Variants in C7orf57 observed in about 807,000 individuals in gnomAD.
C7orf57 encodes chromosome 7 open reading frame 57, also known as uncharacterized protein C7orf57.
A neutral mutation model predicts 39.0 loss-of-function variants in C7orf57; 33 were observed. The ratio of observed to expected loss-of-function variants is 0.85; its 90% confidence interval spans 0.64 to 1.13. The LOEUF is 1.13. C7orf57 is among the 50% of genes most tolerant of loss of function. The pLI is 0.00. For missense variants in C7orf57, 346 were observed against 362.3 expected, an observed-to-expected ratio of 0.95 and a Z score of 0.37; for synonymous variants, 124 against 137.1, an observed-to-expected ratio of 0.90 and a Z score of 0.67.
At chr7:48,058,852 C>T (rs546672638) in intron 8 of C7orf57, among the ~76,000 whole-genome samples, 6 of 152,268 alleles carry the variant, frequency 3.9e-5, no homozygotes, top group East Asian at 1.9e-4. Flanking sequence ...GATCAAGGGA[C>T]GATCATTTGG....
chr7:48,043,712 T>A, intron 4 of C7orf57, 123 bp downstream of exon 4: 1 of 784,804 alleles, frequency 1.3e-6, no homozygotes, highest in Non-Finnish European at 2.1e-6. Flanking sequence ...AACTTCAGGT[T>A]CTCTTTTACA....
At chr7:48,047,506 G>A (rs1161903182) in intron 5 of C7orf57, among the ~76,000 whole-genome samples, 1 of 152,150 alleles carries the variant, frequency 6.6e-6, no homozygotes, top group Non-Finnish European at 1.5e-5. Context: ...TAGCATCTTG[G>A]TTTGAAGGGA....
chr7:48,043,381 C>A, intron 3 of C7orf57, 100 bp from the exon 4 acceptor site: 1 of 835,610 alleles, frequency 1.2e-6, no homozygotes, highest in Non-Finnish European at 1.9e-6. Flanking sequence ...TACAGGGAGA[C>A]CTACAGTTCG....
chr7:48,036,422 CTAGA>C (rs1790365427), intron 2 of C7orf57, 59 bp downstream of exon 2: 5 of 1,446,822 alleles, frequency 3.5e-6, no homozygotes, highest in Middle Eastern at 3.7e-4. Context: ...ACTCTGCTTG[CTAGA>C]CACGCTGTGG....
At chr7:48,039,570 G>A (rs922044757) in intron 2 of C7orf57, among the ~76,000 whole-genome samples, 2 of 152,166 alleles carry the variant, frequency 1.3e-5, no homozygotes, top group African/African-American at 2.4e-5. Context: ...CCACATTATA[G>A]AGGACAGTCT....
chr7:48,055,171 T>C (rs1002085311), intron 8 of C7orf57, among the ~76,000 whole-genome samples: 3 of 152,186 alleles, frequency 2.0e-5, no homozygotes, highest in Non-Finnish European at 4.4e-5. Context: ...CTACCGCGCC[T>C]GGCCTATTAT....
rs1562630365 is a variant in C7orf57, at chr7:48,051,867, CTTT to C, written c.606-832_606-830del. Among the ~76,000 whole-genome samples the C allele has an allele frequency of 6.5e-4, 42 of 64,358 alleles. 1 individual carries two copies. Among genetic ancestry groups the C allele is most frequent in the African/African-American group, 1.4e-3 (18 of 12,578 alleles). The allele number at this position is 64,358 out of a possible 152,430, so 42.2% of individuals were successfully genotyped here. A position where few individuals can be genotyped will look rare whatever the true frequency, so the allele number is the denominator to read the frequency against. ...TCTTTCTTTCTTTCTTTCTTTCTTT[CTTT>C]CTCTTTCTCTTTCTTTCTTTCCTTC... On this transcript the variant is annotated intron_variant, in intron 6 of 8. Transcript: ENST00000348904.
intron 8 of C7orf57, among the ~76,000 whole-genome samples, chr7:48,058,495 C>T (rs763491601): frequency 3.3e-5 from 5 of 152,060 alleles, no homozygotes; most frequent in Non-Finnish European, 4.4e-5. Context: ...GGTGTATAAT[C>T]CTTCACAGTT....
Position 48,036,334 on chromosome 7 carries a change from A to C in C7orf57, c.26A>C (p.Gln9Pro). 6.3e-7 allele frequency: 1 copy of C among 1,591,446 alleles called. No homozygotes were observed. Among genetic ancestry groups the C allele is most frequent in the Non-Finnish European group, 8.6e-7 (1 of 1,169,384 alleles). Residue 9 changes from glutamine to proline, a missense_variant, in exon 2 of 9, where the codon CAG becomes CCG. Gln to Pro is a moderately conservative substitution (Grantham distance 76). Coordinates refer to ENST00000348904, the MANE Select transcript of C7orf57 (RefSeq NM_001100159.3). MRNTSKEL[Q>P]GATHRYAPCD... Reference sequence around the variant, plus strand: ...ATGAGGAACACAAGCAAGGAACTTCAGGGCGCCACGCACCGCTACGCTCCC... The same window carrying C: ...ATGAGGAACACAAGCAAGGAACTTCCGGGCGCCACGCACCGCTACGCTCCC...
chr7:48,051,347 A>ATTTTTTTTTTTTT (rs71006546), intron 6 of C7orf57, among the ~76,000 whole-genome samples: 1,749 of 69,706 alleles, frequency 0.025, 249 homozygotes, highest in African/African-American at 0.092. Context: ...CAGCTGGCTA[A>ATTTTTTTTTTTTT]TTTTTTTTTT....
At chr7:48,050,041 T>C (rs1276336052) in intron 6 of C7orf57, 64 bp downstream of exon 6, 3 of 1,095,418 alleles carry the variant, frequency 2.7e-6, no homozygotes, top group South Asian at 2.6e-5. Context: ...CCGTCTTTCA[T>C]CCGGTGATGA....
chr7:48,035,553 G>T lies in C7orf57; in HGVS notation c.-179G>T. On this transcript the variant is annotated 5_prime_UTR_variant, in exon 1 of 9. Coordinates refer to ENST00000348904, the MANE Select transcript of C7orf57 (RefSeq NM_001100159.3). The surrounding 1 kb of genome is among the most constrained non-coding windows in gnomAD (Gnocchi z 4.0). ...GCGCGCTGGGAGTTTGGGTTTGGTT[G>T]GCTGCAGCCAGCCAGCCGTGTAAAA... The T allele has an allele frequency of 1.1e-5, 8 of 698,528 alleles. No homozygotes were observed. Among genetic ancestry groups the T allele is most frequent in the Non-Finnish European group, 1.6e-5 (6 of 383,662 alleles). The allele number at this position is 698,528 out of a possible 1,614,324, so 43.3% of individuals were successfully genotyped here.
At chr7:48,054,879 TA>T (rs1791068899) in intron 8 of C7orf57, among the ~76,000 whole-genome samples, 1 of 151,382 alleles carries the variant, frequency 6.6e-6, no homozygotes, top group African/African-American at 2.4e-5. Context: ...TTATTATTAT[TA>T]TTATTATTTT....
At chr7:48,050,460 C>A (rs1790842373) in intron 6 of C7orf57, among the ~76,000 whole-genome samples, 1 of 152,282 alleles carries the variant, frequency 6.6e-6, no homozygotes, top group East Asian at 1.9e-4. Context: ...AGAGTGAAAT[C>A]CCTGAGGCCT....
At position 48,035,766 on chromosome 7, in the gene C7orf57, G is replaced by C; in HGVS notation, c.-102+136G>C. On this transcript the variant is annotated intron_variant, in intron 1 of 8. Coordinates refer to ENST00000348904, the MANE Select transcript of C7orf57 (RefSeq NM_001100159.3). This position sits in a 1 kb window ranked among gnomAD's most constrained non-coding sequence, Gnocchi z 4.0. ...GACCACCTTGTCGCCGGGTTGGGAT[G>C]AGCACAGGGCGGGATCTCCAAGCCT... 1.7e-6 allele frequency: 1 copy of C among 584,530 alleles called. No homozygotes were observed. Among genetic ancestry groups the C allele is most frequent in the Non-Finnish European group, 3.0e-6 (1 of 330,270 alleles). The allele number at this position is 584,530 out of a possible 1,614,324, so 36.2% of individuals were successfully genotyped here. A position where few individuals can be genotyped will look rare whatever the true frequency, so the allele number is the denominator to read the frequency against.
intron 5 of C7orf57, 151 bp from the exon 6 acceptor site, chr7:48,049,729 T>C (rs886768173): frequency 5.1e-5 from 31 of 602,420 alleles, no homozygotes; most frequent in Non-Finnish European, 8.9e-5. Flanking sequence ...ATGAGATTAT[T>C]GCTGAATTAT....
At chr7:48,054,511 C>T in intron 7 of C7orf57, 84 bp from the exon 8 acceptor site, 1 of 1,116,106 alleles carries the variant, frequency 9.0e-7, no homozygotes, top group Non-Finnish European at 1.3e-6. Flanking sequence ...ACAGAATTTT[C>T]ATTAAATCTT....
At chr7:48,042,286 T>C (rs1790573237) in intron 3 of C7orf57, among the ~76,000 whole-genome samples, 1 of 152,216 alleles carries the variant, frequency 6.6e-6, no homozygotes, top group Admixed American at 6.5e-5. Context: ...GACCTAGACA[T>C]TTTTTCTTAG....
rs1377430382 is a variant in C7orf57, at chr7:48,035,582, C to G, written c.-150C>G. 1 of 696,498 alleles carries G rather than the reference C, an allele frequency of 1.4e-6. No individual in the cohort carries two copies. 43.1% of individuals were successfully genotyped at this position (696,498 alleles called of 1,614,324 possible). On this transcript the variant is annotated 5_prime_UTR_variant, in exon 1 of 9. Coordinates refer to ENST00000348904, the MANE Select transcript of C7orf57 (RefSeq NM_001100159.3). The surrounding 1 kb of genome is among the most constrained non-coding windows in gnomAD (Gnocchi z 4.0). ...GCAGCCAGCCAGCCGTGTAAAAACT[C>G]CAACGCCGGGCGCCGCGGGCAGCAC...
Sources: gnomAD v4.1 joint callset for allele counts (sites outside exome capture counted in the v4.1 genomes callset) on GRCh38, gnomAD v4.1.1 for gene constraint, Gnocchi (gnomAD v3.1) non-coding constraint, MANE v1.5 for transcripts, NCBI Gene and HGNC (gene_info 2026-07-23, HGNC 2026-07-21) for gene names.